Variants in IRAG1 observed in about 807,000 individuals in gnomAD.
IRAG1 encodes IP3R-associated cGMP kinase substrate.
In IRAG1, 62 loss-of-function variants were observed where a neutral mutation model predicts 106.2. The ratio of observed to expected loss-of-function variants is 0.58; its 90% CI spans 0.48 to 0.72. The LOEUF is 0.72. Among genes scored for constraint, IRAG1 ranks in the 30% least tolerant of loss-of-function variants. The pLI, the probability that IRAG1 is intolerant of heterozygous loss-of-function variation, is 0.00. For missense variants in IRAG1, 1,064 were observed against 1,140.7 expected (o/e 0.93, Z 0.97); for synonymous variants, 462 against 443.9 (o/e 1.04, Z -0.51).
chr11:10,603,960 A>C lies in IRAG1; in HGVS notation c.1743+445T>G, dbSNP rs561161251. Among the ~76,000 whole-genome samples the C allele has an allele frequency of 2.0e-5, 3 of 152,304 alleles. No homozygotes were observed. The South Asian group carries it at 6.2e-4, about 32-fold the overall frequency. On this transcript the variant is annotated intron_variant, in intron 13 of 20. Transcript: ENST00000423302. ...TTTGCCATTTAAGCCACCCAGTCTA[A>C]GGCCCTTTGTTACAGCAATTCAAAC... is the stretch of plus-strand genomic sequence containing the variant.
chr11:10,616,539 A>T (rs973819720), intron 10 of IRAG1, among the ~76,000 whole-genome samples: 9 of 152,166 alleles, frequency 5.9e-5, no homozygotes, highest in Non-Finnish European at 1.3e-4. Context: ...AACAAAAAAC[A>T]AAAAACAAAA....
At chr11:10,668,613 C>A (rs1859973296) in intron 1 of IRAG1, among the ~76,000 whole-genome samples, 2 of 152,226 alleles carry the variant, frequency 1.3e-5, no homozygotes, top group African/African-American at 4.8e-5. Context: ...TATGTACTAG[C>A]TGCCTTTTTT....
intron 18 of IRAG1, among the ~76,000 whole-genome samples, chr11:10,591,173 G>A (rs1178410931): frequency 6.6e-6 from 1 of 152,228 alleles, no homozygotes; most frequent in Non-Finnish European, 1.5e-5. Context: ...AGGCAAGGAA[G>A]TTGTAGACTC....
chr11:10,629,507 G>A, intron 5 of IRAG1, 31 bp downstream of exon 5: 1 of 1,601,780 alleles, frequency 6.2e-7, no homozygotes. Flanking sequence ...GAGGGGCTCA[G>A]GGCAGCCACC....
chr11:10,582,104 A>T, intron 18 of IRAG1, 118 bp from the exon 19 acceptor site: 3 of 1,246,470 alleles, frequency 2.4e-6, no homozygotes, highest in South Asian at 3.3e-5. Flanking sequence ...CTTTTTCAGT[A>T]ACTTTCAGAT....
chr11:10,622,876 GACACAC>G (rs10525799), intron 10 of IRAG1, among the ~76,000 whole-genome samples: 7 of 141,482 alleles, frequency 4.9e-5, no homozygotes, highest in South Asian at 4.6e-4. Flanking sequence ...GTAAGCAGTG[GACACAC>G]ACACACACAC....
intron 1 of IRAG1, chr11:10,687,820 G>T (rs890298835): frequency 7.8e-7 from 1 of 1,287,162 alleles, no homozygotes; most frequent in South Asian, 1.2e-5. Flanking sequence ...AAGACCTAAT[G>T]TATACCGAGT....
intron 1 of IRAG1, among the ~76,000 whole-genome samples, chr11:10,682,498 G>A (rs950110764): frequency 6.6e-6 from 1 of 152,140 alleles, no homozygotes; most frequent in African/African-American, 2.4e-5. Flanking sequence ...CTGAGAAATA[G>A]TCTTCCTCTA....
chr11:10,625,534 T>C lies in IRAG1; in HGVS notation c.1368+432A>G, dbSNP rs557309293. Reference sequence around the variant, plus strand: ...GTTAACAGGCATCAGGAAGGAAGGCTTGGGGGCATCACAAAGGAAATCACT... The same window carrying C: ...GTTAACAGGCATCAGGAAGGAAGGCCTGGGGGCATCACAAAGGAAATCACT... On this transcript the variant is annotated intron_variant, in intron 9 of 20. Transcript: ENST00000423302. Among the ~76,000 whole-genome samples the C allele has an allele frequency of 4.9e-4, 75 of 152,192 alleles. 1 individual carries two copies. In the South Asian group the frequency reaches 0.015, roughly 29 times the overall value.
intron 1 of IRAG1, among the ~76,000 whole-genome samples, chr11:10,676,224 A>T (rs1443128031): frequency 6.6e-6 from 1 of 152,194 alleles, no homozygotes; most frequent in Non-Finnish European, 1.5e-5. Flanking sequence ...AGGGAGAATG[A>T]GTTAGTCTAC....
chr11:10,662,232 C>T (rs996876547), intron 1 of IRAG1, among the ~76,000 whole-genome samples: 1 of 152,114 alleles, frequency 6.6e-6, no homozygotes, highest in African/African-American at 2.4e-5. Flanking sequence ...CATGGTGAAA[C>T]CCCATCTCTA....
chr11:10,627,677 A>T, intron 8 of IRAG1, 39 bp downstream of exon 8: 1 of 1,612,718 alleles, frequency 6.2e-7, no homozygotes, highest in Non-Finnish European at 8.5e-7. Flanking sequence ...TGTGCCCCCC[A>T]CACTCAAATC....
chr11:10,597,608 TG>T (rs1187781107), intron 15 of IRAG1, among the ~76,000 whole-genome samples: 5 of 152,352 alleles, frequency 3.3e-5, no homozygotes, highest in Non-Finnish European at 5.9e-5. Context: ...CCTTTCACCT[TG>T]GCCTCCCAAA....
At chr11:10,615,184 C>T (rs1855297259) in intron 10 of IRAG1, among the ~76,000 whole-genome samples, 2 of 152,204 alleles carry the variant, frequency 1.3e-5, no homozygotes, top group African/African-American at 4.8e-5. Flanking sequence ...TGGAAAAATG[C>T]TCATTATCAC....
In IRAG1 at chr11:10,636,332, G is replaced by A. The variant is rs1320254054; in HGVS notation, c.226-2261C>T. ...TGGGACTACAGGTGTGCACCACCAC[G>A]CCTGGCTGACTTAAAAATTTTTTTT... is the stretch of plus-strand genomic sequence containing the variant. On this transcript the variant is annotated intron_variant, in intron 2 of 20. Coordinates refer to ENST00000423302, the MANE Select transcript of IRAG1 (RefSeq NM_130385.4). Among the ~76,000 whole-genome samples the A allele has an allele frequency of 3.3e-5, 5 of 152,242 alleles. No individual in the cohort carries two copies. The East Asian group carries it at 7.7e-4, about 24-fold the overall frequency.
intron 17 of IRAG1, among the ~76,000 whole-genome samples, chr11:10,592,256 G>A (rs978162322): frequency 2.0e-5 from 3 of 152,126 alleles, no homozygotes; most frequent in Non-Finnish European, 4.4e-5. Context: ...TGGTTTAAAA[G>A]TACCCTGTGT....
At chr11:10,585,491 G>A (rs1447493382) in intron 18 of IRAG1, among the ~76,000 whole-genome samples, 3 of 151,246 alleles carry the variant, frequency 2.0e-5, no homozygotes, top group Admixed American at 6.6e-5. Flanking sequence ...CATGAGAATC[G>A]CATTTCAAGT....
intron 9 of IRAG1, among the ~76,000 whole-genome samples, chr11:10,625,259 C>T (rs7130800): frequency 0.019 from 2,879 of 152,296 alleles, 101 homozygotes; most frequent in African/African-American, 0.065. Flanking sequence ...TCTGTGGAAT[C>T]CAGGTGCCTT....
rs571076525 is a variant in IRAG1, at chr11:10,625,247, A to G, written c.1368+719T>C. On this transcript the variant is annotated intron_variant, in intron 9 of 20. Transcript: ENST00000423302. ...TCCTGCTCTGAGGGTGCTGGGCCTC[A>G]CTCTGTGGAATCCAGGTGCCTTGGT... Among the ~76,000 whole-genome samples the G allele has an allele frequency of 3.9e-5, 6 of 152,080 alleles. No individual in the cohort carries two copies. The South Asian group carries it at 6.2e-4, about 16-fold the overall frequency.
Sources: gnomAD v4.1 joint callset for allele counts (sites outside exome capture counted in the v4.1 genomes callset) on GRCh38, gnomAD v4.1.1 for gene constraint, MANE v1.5 for transcripts, NCBI Gene and HGNC (gene_info 2026-07-23, HGNC 2026-07-21) for gene names.